Variants in ADAMTSL1 observed in about 807,000 individuals in gnomAD.
ADAMTSL1 encodes the protein ADAMTS like 1, also known as ADAMTS-like protein 1.
Under a neutral mutation model 201.8 loss-of-function variants are expected in ADAMTSL1, and 126 were observed. The observed-to-expected ratio is 0.62, with a 90% CI of 0.54 to 0.72. ADAMTSL1 has a LOEUF of 0.72. Ranked by LOEUF, ADAMTSL1 falls within the 30% of genes least tolerant of loss-of-function variation. ADAMTSL1 has a pLI of 0.00. For synonymous variants in ADAMTSL1, 1,121 were observed against 903.4 expected (o/e 1.24, Z -4.32); for missense variants, 2,679 against 2,277.8 (o/e 1.18, Z -3.59).
chr9:18,723,412 C>G (rs1034569107), intron 15 of ADAMTSL1: 13 of 364,478 alleles, frequency 3.6e-5, no homozygotes, highest in Non-Finnish European at 6.2e-5. Flanking sequence ...TTGCTTAAAA[C>G]TGCTGGGACT....
intron 1 of ADAMTSL1, among the ~76,000 whole-genome samples, chr9:18,046,187 G>C (rs560285709): frequency 6.6e-6 from 1 of 152,304 alleles, no homozygotes; most frequent in Admixed American, 6.5e-5. Flanking sequence ...AAAAGTACTA[G>C]TTAAGATATA....
In ADAMTSL1 at chr9:18,001,547, G is replaced by T. The variant is rs571717080; in HGVS notation, c.87+94625G>T. Among the ~76,000 whole-genome samples, 9 of 152,190 alleles carry T rather than the reference G, an allele frequency of 5.9e-5. No individual in the cohort carries two copies. The East Asian group carries it at 1.8e-3, about 30-fold the overall frequency. On this transcript the variant is annotated intron_variant, in intron 1 of 29. Transcript: ENST00000680146. ...GAAGGTGCATCTAATCTTAGAACGG[G>T]CTGATTCAAAGAAGGTTTCCAGGAA...
At chr9:18,714,686 C>T (rs1234094284) in intron 14 of ADAMTSL1, among the ~76,000 whole-genome samples, 5 of 151,378 alleles carry the variant, frequency 3.3e-5, no homozygotes, top group Admixed American at 1.3e-4. Context: ...GGAACTGGTA[C>T]CATTCCTTCT....
intron 1 of ADAMTSL1, among the ~76,000 whole-genome samples, chr9:18,107,101 A>T (rs1824793317): frequency 6.6e-6 from 1 of 152,122 alleles, no homozygotes; most frequent in Non-Finnish European, 1.5e-5. Flanking sequence ...TCTGTTATTA[A>T]GTCTATGCCT....
At chr9:18,150,543 T>C (rs1166480895) in intron 1 of ADAMTSL1, among the ~76,000 whole-genome samples, 1 of 152,064 alleles carries the variant, frequency 6.6e-6, no homozygotes, top group African/African-American at 2.4e-5. Flanking sequence ...GACTTCTTTC[T>C]AGAAACATGG....
chr9:18,633,570 G>T (rs142942868), intron 5 of ADAMTSL1, among the ~76,000 whole-genome samples: 1 of 151,288 alleles, frequency 6.6e-6, no homozygotes, highest in Non-Finnish European at 1.5e-5. Context: ...ACTCTAGCCT[G>T]GGTAACAAAG....
intron 2 of ADAMTSL1, among the ~76,000 whole-genome samples, chr9:18,350,875 A>C (rs1024256797): frequency 6.6e-6 from 1 of 152,144 alleles, no homozygotes; most frequent in Non-Finnish European, 1.5e-5. Context: ...GATATTCTCA[A>C]ATTTTTCTAT....
intron 16 of ADAMTSL1, among the ~76,000 whole-genome samples, chr9:18,767,583 G>C (rs145949010): frequency 3.5e-4 from 54 of 152,214 alleles, no homozygotes; most frequent in African/African-American, 1.3e-3. Flanking sequence ...ATAGCAACAG[G>C]ATTATTCTAG....
intron 2 of ADAMTSL1, among the ~76,000 whole-genome samples, chr9:18,254,182 C>T (rs1465386830): frequency 6.6e-6 from 1 of 152,006 alleles, no homozygotes; most frequent in Non-Finnish European, 1.5e-5. Flanking sequence ...TCACGTCCAC[C>T]TCACTGGTTT....
intron 1 of ADAMTSL1, among the ~76,000 whole-genome samples, chr9:17,908,648 G>A (rs2131262436): frequency 6.6e-6 from 1 of 152,224 alleles, no homozygotes; most frequent in Middle Eastern, 3.4e-3. Flanking sequence ...AGTAGAGACG[G>A]GTTTTCACCT....
chr9:18,046,750 C>G (rs975949586), intron 1 of ADAMTSL1, among the ~76,000 whole-genome samples: 29 of 152,074 alleles, frequency 1.9e-4, no homozygotes, highest in African/African-American at 7.0e-4. Context: ...TGTAATCTTA[C>G]AACAACCCTA....
At chr9:18,374,336 T>A (rs908281306) in intron 2 of ADAMTSL1, among the ~76,000 whole-genome samples, 4 of 148,270 alleles carry the variant, frequency 2.7e-5, no homozygotes, top group Admixed American at 6.7e-5. Context: ...TTTTTTTTAA[T>A]TTTTTTTTTA....
At chr9:18,497,138 GA>G (rs1176712008) in intron 1 of ADAMTSL1, among the ~76,000 whole-genome samples, 1 of 152,156 alleles carries the variant, frequency 6.6e-6, no homozygotes, top group Non-Finnish European at 1.5e-5. Context: ...CAGCAACCAG[GA>G]ACAATTGTTT....
At chr9:18,269,458 A>G (rs2132569940) in intron 2 of ADAMTSL1, among the ~76,000 whole-genome samples, 1 of 152,298 alleles carries the variant, frequency 6.6e-6, no homozygotes, top group Admixed American at 6.5e-5. Context: ...TAACACATCA[A>G]ATAAAAACCT....
chr9:18,757,731 C>G (rs1195328767), intron 16 of ADAMTSL1, among the ~76,000 whole-genome samples: 2 of 152,184 alleles, frequency 1.3e-5, no homozygotes, highest in Non-Finnish European at 2.9e-5. Context: ...AACCACGTTA[C>G]CCACTCAGGT....
chr9:18,506,943 A>C (rs1168326275), intron 2 of ADAMTSL1, among the ~76,000 whole-genome samples: 1 of 152,236 alleles, frequency 6.6e-6, no homozygotes. Context: ...ACCAGTGCTT[A>C]GTATGGACTG....
intron 5 of ADAMTSL1, among the ~76,000 whole-genome samples, chr9:18,625,375 A>C (rs1448128301): frequency 6.6e-6 from 1 of 152,124 alleles, no homozygotes; most frequent in African/African-American, 2.4e-5. Context: ...GATAAAGAGA[A>C]GTAGGAGAAG....
intron 2 of ADAMTSL1, among the ~76,000 whole-genome samples, chr9:18,272,990 T>TAATA (rs1480101295): frequency 2.6e-5 from 4 of 152,190 alleles, no homozygotes; most frequent in Admixed American, 2.6e-4. Context: ...TGGGGGAGAA[T>TAATA]AATAAAATGT....
chr9:17,968,073 T>C (rs544509199), intron 1 of ADAMTSL1, among the ~76,000 whole-genome samples: 3 of 152,120 alleles, frequency 2.0e-5, no homozygotes, highest in South Asian at 4.1e-4. Context: ...GCTTTAGTTG[T>C]TCGAGGAAGA....
Sources: gnomAD v4.1 joint callset for allele counts (sites outside exome capture counted in the v4.1 genomes callset) on GRCh38, gnomAD v4.1.1 for gene constraint, MANE v1.5 for transcripts, NCBI Gene and HGNC (gene_info 2026-07-23, HGNC 2026-07-21) for gene names.